MADD: variants seen among roughly 807,000 people sequenced by gnomAD.
The protein encoded by MADD is MAP kinase activating death domain, also known as MAP kinase-activating death domain protein.
A neutral mutation model predicts 176.7 loss-of-function variants in MADD; 109 were observed. That is an observed-to-expected ratio of 0.62 (90% confidence interval 0.53 to 0.72). The LOEUF (loss-of-function observed/expected upper bound fraction) is 0.72. MADD is among the 30% of genes least tolerant of loss of function. MADD has a pLI of 0.00. For missense variants in MADD, 1,914 were observed against 2,045.5 expected, an observed-to-expected ratio of 0.94 and a Z score of 1.24; for synonymous variants, 771 against 771.3, an observed-to-expected ratio of 1.00 and a Z score of 0.01.
intron 1 of MADD, chr11:47,270,741 C>G (rs1172215020): frequency 6.6e-6 from 1 of 152,214 alleles, no homozygotes; most frequent in Non-Finnish European, 1.5e-5. Flanking sequence ...TGCAATCGCT[C>G]TCCTCCCCAT....
intron 25 of MADD, among the ~76,000 whole-genome samples, chr11:47,311,061 G>A (rs2088593113): frequency 6.6e-6 from 1 of 152,168 alleles, no homozygotes; most frequent in Non-Finnish European, 1.5e-5. Flanking sequence ...TATAGCTGTG[G>A]AAGAAGTATG....
rs535450077 is a variant in MADD, at chr11:47,318,336, G to A, written c.4197+3009G>A. On this transcript the variant is annotated intron_variant, in intron 27 of 32. Transcript: ENST00000402192. Reference sequence around the variant, plus strand: ...TCACATTCACAGTTTTTTTGAACAGGTGGTCTACCAAACGCAAGAAGGGCT... The same window carrying A: ...TCACATTCACAGTTTTTTTGAACAGATGGTCTACCAAACGCAAGAAGGGCT... 1.1e-4 allele frequency among the ~76,000 whole-genome samples: 16 copies of A among 152,236 alleles called. No individual in the cohort carries two copies. In the South Asian group the frequency reaches 3.3e-3, roughly 32 times the overall value.
At chr11:47,328,912 C>G in intron 32 of MADD, 134 bp from the exon 37 acceptor site, 6 of 978,666 alleles carry the variant, frequency 6.1e-6, no homozygotes, top group South Asian at 5.7e-5. Context: ...GGGACAGCTT[C>G]CTTGCTTGGA....
At chr11:47,303,606 C>A (rs1383786126) in intron 22 of MADD, among the ~76,000 whole-genome samples, 6 of 126,556 alleles carry the variant, frequency 4.7e-5, no homozygotes, top group African/African-American at 1.9e-4. Flanking sequence ...CTTGGAGAGG[C>A]CTTTTTTTTT....
intron 22 of MADD, among the ~76,000 whole-genome samples, chr11:47,308,140 A>G (rs571165935): frequency 6.6e-6 from 1 of 152,350 alleles, no homozygotes; most frequent in African/African-American, 2.4e-5. Flanking sequence ...TAATTCTTGT[A>G]AAGTAGTCCT....
chr11:47,286,347 G>A (rs1185369306), intron 14 of MADD, 86 bp from the exon 15 acceptor site: 4 of 826,886 alleles, frequency 4.8e-6, no homozygotes, highest in Non-Finnish European at 6.3e-6. Flanking sequence ...TGAAAAGGAG[G>A]GAGGTGCAGA....
chr11:47,309,621 A>G lies in MADD; in HGVS notation c.3978+9A>G. On this transcript the variant is annotated intron_variant, in intron 25 of 32. Transcript: ENST00000402192. ...ACATGCTGCTGATGAAGGTAATGTC[A>G]ATTTTGCTGTGTCCAGCTCCGCTGA... is the stretch of plus-strand genomic sequence containing the variant. 1.2e-6 allele frequency: 2 copies of G among 1,605,942 alleles called. No individual in the cohort carries two copies. Among genetic ancestry groups the G allele is most frequent in the Non-Finnish European group, 8.5e-7 (1 of 1,172,526 alleles).
At chr11:47,298,913 C>T (rs752959301) in intron 22 of MADD, among the ~76,000 whole-genome samples, 12 of 152,202 alleles carry the variant, frequency 7.9e-5, no homozygotes, top group East Asian at 1.9e-4. Flanking sequence ...TCAAGTTTTC[C>T]GAGCAGCATT....
At chr11:47,295,673 C>G in intron 21 of MADD, 94 bp downstream of exon 23, 1 of 1,587,500 alleles carries the variant, frequency 6.3e-7, no homozygotes, top group Non-Finnish European at 8.6e-7. Context: ...TGCTCTGAGT[C>G]TCAGGTCAGC....
In MADD at chr11:47,309,496, C is replaced by A. The variant is rs1484879402; in HGVS notation, c.3873-11C>A. The A allele has an allele frequency of 6.2e-7, 1 of 1,613,858 alleles. No individual in the cohort carries two copies. The highest frequency in any genetic ancestry group is 8.5e-7 in the Non-Finnish European group (1 of 1,179,718). On this transcript the variant is annotated splice_polypyrimidine_tract_variant and intron_variant, in intron 24 of 32. Transcript: ENST00000402192. ...ACTTGAGGGCTGACTTGTGCTTGGT[C>A]TTCTCCTTAGGTACCTGTCCCTTGG...
chr11:47,292,704 A>C (rs2066407788), intron 19 of MADD, 108 bp downstream of exon 21: 2 of 1,095,726 alleles, frequency 1.8e-6, no homozygotes, highest in South Asian at 2.6e-5. Flanking sequence ...ATTTGCTCTT[A>C]GAGCGTGTTT....
Position 47,288,148 on chromosome 11 carries a change from G to T in MADD, c.2654-1243G>T, listed in dbSNP as rs191816320. Among the ~76,000 whole-genome samples the T allele has an allele frequency of 1.1e-4, 16 of 152,212 alleles. No homozygotes were observed. The East Asian group carries it at 3.1e-3, about 29-fold the overall frequency. Reference sequence around the variant, plus strand: ...GTGGTAAAAAATGTCAGGTTACTTGGGTGCAGTAGCTCACACCTGTCATCC... The same window carrying T: ...GTGGTAAAAAATGTCAGGTTACTTGTGTGCAGTAGCTCACACCTGTCATCC... On this transcript the variant is annotated intron_variant, in intron 15 of 32. Coordinates refer to ENST00000402192, the Ensembl canonical transcript of MADD.
At chr11:47,295,977 C>T in exon 22 of MADD, 1 of 1,614,002 alleles carries the variant, frequency 6.2e-7, no homozygotes, top group Non-Finnish European at 8.5e-7. Context: ...GTGGCGAGGG[C>T]AGTGTTCACC....
intron 7 of MADD, 63 bp downstream of exon 7, chr11:47,279,142 C>T (rs1480074141): frequency 2.7e-6 from 4 of 1,467,506 alleles, no homozygotes; most frequent in African/African-American, 2.8e-5. Context: ...TATAAGAAGA[C>T]AGCTATTCTC....
intron 5 of MADD, among the ~76,000 whole-genome samples, chr11:47,277,277 GT>G (rs56158694): frequency 1 from 152,317 of 152,318 alleles, 76,158 homozygotes; most frequent in Middle Eastern, 1. Flanking sequence ...GAGAGTAACA[GT>G]TTTCTCTTTG....
chr11:47,308,519 TG>T (rs756121867), intron 22 of MADD, 71 bp from the exon 25 acceptor site: 1 of 1,053,154 alleles, frequency 9.5e-7, no homozygotes, highest in Non-Finnish European at 1.4e-6. Context: ...AGCCTCTTAG[TG>T]AAGTGCGTGG....
At chr11:47,293,853 A>G (rs997157141) in intron 19 of MADD, 30 bp from the exon 22 acceptor site, 1 of 1,439,130 alleles carries the variant, frequency 6.9e-7, no homozygotes, top group African/African-American at 1.4e-5. Flanking sequence ...GCCTTTGTGC[A>G]CGGAGTAACA....
In MADD at chr11:47,285,076, C is replaced by T. The variant is rs3736102; in HGVS notation, c.2293C>T (p.Arg765Trp). The T allele has an allele frequency of 3.3e-5, 53 of 1,614,092 alleles. No individual in the cohort carries two copies. Among genetic ancestry groups the T allele is most frequent in the East Asian group, 3.1e-4 (14 of 44,874 alleles). Residue 765 changes from arginine (R) to tryptophan (W), a missense_variant, in exon 13 of 33, where the codon CGG (arginine) becomes TGG (tryptophan). Transcript: ENST00000402192. The stretch of plus-strand genomic sequence containing the variant: ...AGAAATTGGAGAGGGGTCAGTGCGC[C>T]GGCGAATCTATGACAATCCATACTT...
chr11:47,287,884 G>A (rs567739281), intron 15 of MADD, among the ~76,000 whole-genome samples: 4 of 149,366 alleles, frequency 2.7e-5, no homozygotes, highest in African/African-American at 9.9e-5. Flanking sequence ...TCCGCCTCCC[G>A]GGTTCACACC....
Sources: allele counts gnomAD v4.1 joint callset (sites outside exome capture counted in the v4.1 genomes callset), GRCh38; gene constraint gnomAD v4.1.1; transcripts MANE v1.5; gene names NCBI Gene and HGNC (gene_info 2026-07-23, HGNC 2026-07-21).